Variants in TAAR5 observed in about 807,000 individuals in gnomAD.
TAAR5 encodes the protein trace amine associated receptor 5.
In TAAR5, 27 loss-of-function variants were observed where a neutral mutation model predicts 21.1. The ratio of observed to expected loss-of-function variants is 1.28; its 90% CI spans 0.94 to 1.76. TAAR5 has a LOEUF of 1.76. Ranked by LOEUF, TAAR5 falls within the 40% of genes most tolerant of loss-of-function variation. The probability of loss-of-function intolerance (pLI) is 0.00; values close to 1 mark genes in which losing one functional copy is unlikely to be tolerated. For synonymous variants in TAAR5, 203 were observed against 167.5 expected (o/e 1.21, Z -1.64); for missense variants, 495 against 405.6 (o/e 1.22, Z -1.89).
chr6:132,591,671 A>G (rs1018621484), upstream of TAAR5, among the ~76,000 whole-genome samples: 1 of 152,200 alleles, frequency 6.6e-6, no homozygotes, highest in Admixed American at 6.5e-5. Flanking sequence ...ATGGCTTTAT[A>G]TTTAATTTGA....
the TAAR5 span, among the ~76,000 whole-genome samples, chr6:132,600,002 A>G: frequency 2.6e-5 from 4 of 152,202 alleles, no homozygotes; most frequent in Non-Finnish European, 4.4e-5. Context: ...AAACCAAAAA[A>G]ACCCTGATGA....
chr6:132,595,911 T>C, the TAAR5 span, among the ~76,000 whole-genome samples: 1 of 152,344 alleles, frequency 6.6e-6, no homozygotes, highest in Non-Finnish European at 1.5e-5. Context: ...TGCTTCCTTT[T>C]TAACTTTATG....
chr6:132,600,793 GA>G, the TAAR5 span, among the ~76,000 whole-genome samples: 1 of 144,082 alleles, frequency 6.9e-6, no homozygotes, highest in African/African-American at 2.6e-5. Flanking sequence ...AGGAGGGAAG[GA>G]GGGGAGGAAG....
chr6:132,592,085 C>T (rs1776914737), upstream of TAAR5, among the ~76,000 whole-genome samples: 1 of 152,178 alleles, frequency 6.6e-6, no homozygotes, highest in Non-Finnish European at 1.5e-5. Flanking sequence ...CAATCACAGG[C>T]AAAAGTAATT....
the TAAR5 span, chr6:132,608,772 A>C: frequency 2.2e-6 from 1 of 455,496 alleles, no homozygotes; most frequent in African/African-American, 2.0e-5. Context: ...CATCGGCCTC[A>C]GATAGAACTA....
chr6:132,604,655 C>T, the TAAR5 span, among the ~76,000 whole-genome samples: 1 of 152,008 alleles, frequency 6.6e-6, no homozygotes, highest in Admixed American at 6.6e-5. Context: ...ACAAAGAAGA[C>T]CAAATTGAGT....
At chr6:132,600,883 G>A in the TAAR5 span, among the ~76,000 whole-genome samples, 364 of 73,198 alleles carry the variant, frequency 5.0e-3, 1 homozygote, top group African/African-American at 0.01. Context: ...GAGGGAAGGA[G>A]GGAAGAAGGG....
upstream of TAAR5, among the ~76,000 whole-genome samples, chr6:132,593,262 C>A (rs983728394): frequency 5.3e-5 from 8 of 152,142 alleles, no homozygotes; most frequent in African/African-American, 1.9e-4. Flanking sequence ...CTGGCTCTGT[C>A]ACAACACATA....
At chr6:132,612,462 A>G in the TAAR5 span, among the ~76,000 whole-genome samples, 1 of 152,158 alleles carries the variant, frequency 6.6e-6, no homozygotes, top group African/African-American at 2.4e-5. Context: ...GTATTCTTAT[A>G]AAATAACCCC....
At position 132,589,538 on chromosome 6, in the gene TAAR5, A is replaced by C; in HGVS notation, c.149T>G (p.Leu50Arg). The change falls in exon 1 of 1, where the codon CTA becomes CGA. Residue 50 changes from leucine (L) to arginine (R), a missense_variant. Coordinates refer to ENST00000258034, the MANE Select transcript of TAAR5 (RefSeq NM_003967.3). ...AGCAAATGCCACAAATACATTCCCT[A>C]GCACGATAATCAGCATGCCTGCTGC... The part of the protein sequence containing the change: ...ACAAGMLIIV[L>R]GNVFVAFAVS... The C allele has an allele frequency of 1.2e-6, 2 of 1,614,032 alleles. No individual in the cohort carries two copies. Among genetic ancestry groups the C allele is most frequent in the Non-Finnish European group, 1.7e-6 (2 of 1,179,970 alleles).
the TAAR5 span, among the ~76,000 whole-genome samples, chr6:132,596,034 T>C: frequency 6.6e-6 from 1 of 152,156 alleles, no homozygotes; most frequent in Non-Finnish European, 1.5e-5. Flanking sequence ...TTTTGAGCTA[T>C]ATTATGGCAA....
At chr6:132,606,599 T>A in the TAAR5 span, among the ~76,000 whole-genome samples, 1 of 152,336 alleles carries the variant, frequency 6.6e-6, no homozygotes, top group African/African-American at 2.4e-5. Context: ...GTAAATATCC[T>A]TTGGTAAAAA....
At chr6:132,604,556 A>G in the TAAR5 span, among the ~76,000 whole-genome samples, 18 of 152,190 alleles carry the variant, frequency 1.2e-4, no homozygotes, top group African/African-American at 4.3e-4. Flanking sequence ...AGTCCCCCAC[A>G]TAGGGCAAAC....
At chr6:132,599,409 A>G in the TAAR5 span, among the ~76,000 whole-genome samples, 1 of 145,714 alleles carries the variant, frequency 6.9e-6, no homozygotes, top group Non-Finnish European at 1.5e-5. Flanking sequence ...GCTTGCTGCA[A>G]CCTTCACCTC....
chr6:132,614,781 G>C, the TAAR5 span, among the ~76,000 whole-genome samples: 1 of 152,258 alleles, frequency 6.6e-6, no homozygotes, highest in East Asian at 1.9e-4. Flanking sequence ...GAGCCCCAGT[G>C]GGACTGCTCT....
At chr6:132,591,729 G>A (rs968389579), upstream of TAAR5, among the ~76,000 whole-genome samples, 56 of 152,162 alleles carry the variant, frequency 3.7e-4, no homozygotes, top group African/African-American at 1.1e-3. Flanking sequence ...GCTGGAATAA[G>A]GCTGAAGAAG....
the TAAR5 span, among the ~76,000 whole-genome samples, chr6:132,597,850 G>A: frequency 6.6e-6 from 1 of 152,138 alleles, no homozygotes; most frequent in Non-Finnish European, 1.5e-5. Context: ...GAAGACGATA[G>A]ACTAATGAAA....
chr6:132,606,704 A>C, the TAAR5 span, among the ~76,000 whole-genome samples: 1 of 152,236 alleles, frequency 6.6e-6, no homozygotes, highest in African/African-American at 2.4e-5. Context: ...CGATGGTGAC[A>C]GGGAGGTAGC....
chr6:132,598,954 C>A, the TAAR5 span, among the ~76,000 whole-genome samples: 3 of 152,214 alleles, frequency 2.0e-5, no homozygotes, highest in East Asian at 5.8e-4. Context: ...CTTGATAATG[C>A]ATTGATTCCA....
Sources: allele counts gnomAD v4.1 joint callset (sites outside exome capture counted in the v4.1 genomes callset), GRCh38; gene constraint gnomAD v4.1.1; transcripts MANE v1.5; gene names NCBI Gene and HGNC (gene_info 2026-07-23, HGNC 2026-07-21).